DLG2: variants seen among roughly 807,000 people sequenced by gnomAD.
DLG2 encodes the protein discs large MAGUK scaffold protein 2.
DLG2 carries 45 observed loss-of-function variants against 132.5 expected under a neutral mutation model. That is an observed-to-expected ratio of 0.34 (90% CI 0.27 to 0.44). DLG2 has a LOEUF of 0.44. Among genes scored for constraint, DLG2 ranks in the 20% least tolerant of loss-of-function variants. The probability of loss-of-function intolerance (pLI) is 1.00; values close to 1 mark genes in which losing one functional copy is unlikely to be tolerated. For synonymous variants in DLG2, 424 were observed against 419.6 expected (o/e 1.01, Z -0.13); for missense variants, 1,045 against 1,196.9 (o/e 0.87, Z 1.87).
intron 10 of DLG2, among the ~76,000 whole-genome samples, chr11:84,095,705 A>G (rs2097156151): frequency 6.6e-6 from 1 of 152,200 alleles, no homozygotes; most frequent in African/African-American, 2.4e-5. Flanking sequence ...TGAGCTGCAG[A>G]ATCCCACTCT....
chr11:83,775,220 G>C (rs2094536726), intron 18 of DLG2, among the ~76,000 whole-genome samples: 1 of 151,848 alleles, frequency 6.6e-6, no homozygotes, highest in South Asian at 2.1e-4. Flanking sequence ...CCCTCTCCTG[G>C]CATCTTTTTC....
chr11:83,724,325 C>T, intron 18 of DLG2, among the ~76,000 whole-genome samples: 1 of 152,182 alleles, frequency 6.6e-6, no homozygotes, highest in African/African-American at 2.4e-5. Context: ...CCGAAGCACG[C>T]TCTCTGGTTT....
At chr11:84,517,008 G>A (rs561067879) in intron 7 of DLG2, among the ~76,000 whole-genome samples, 97 of 54,090 alleles carry the variant, frequency 1.8e-3, no homozygotes, top group African/African-American at 6.8e-3. Flanking sequence ...AAGGATAAAA[G>A]TAAAAAAATA....
chr11:85,483,823 A>T (rs2093355591), intron 3 of DLG2, among the ~76,000 whole-genome samples: 1 of 151,776 alleles, frequency 6.6e-6, no homozygotes, highest in Non-Finnish European at 1.5e-5. Flanking sequence ...GGGCACCTGT[A>T]ATCCCAGCTA....
chr11:84,746,229 G>A (rs1252317720), intron 6 of DLG2, among the ~76,000 whole-genome samples: 1 of 149,038 alleles, frequency 6.7e-6, no homozygotes, highest in Non-Finnish European at 1.5e-5. Context: ...GGAAAGAGAT[G>A]GAAAACAACA....
intron 3 of DLG2, among the ~76,000 whole-genome samples, chr11:85,417,784 G>A (rs1464523635): frequency 5.3e-5 from 8 of 152,020 alleles, no homozygotes; most frequent in South Asian, 2.1e-4. Flanking sequence ...TGGCTTCAGT[G>A]GTGATATCAC....
chr11:84,397,878 T>A (rs186874402), intron 7 of DLG2, among the ~76,000 whole-genome samples: 13 of 152,342 alleles, frequency 8.5e-5, no homozygotes, highest in Admixed American at 5.9e-4. Context: ...TAACTACTGG[T>A]CTAGTTTAGG....
chr11:83,786,448 G>A (rs2039961096), intron 18 of DLG2: 2 of 465,396 alleles, frequency 4.3e-6, no homozygotes, highest in South Asian at 6.0e-5. Context: ...GCTGATGCTG[G>A]TTGCTATTTA....
At chr11:85,514,339 G>T (rs1447686183) in intron 3 of DLG2, among the ~76,000 whole-genome samples, 1 of 151,936 alleles carries the variant, frequency 6.6e-6, no homozygotes, top group Non-Finnish European at 1.5e-5. Flanking sequence ...GATACACCTA[G>T]GTTTAAAGAG....
intron 10 of DLG2, among the ~76,000 whole-genome samples, chr11:84,093,859 C>T (rs900933688): frequency 2.6e-5 from 4 of 152,158 alleles, no homozygotes; most frequent in South Asian, 2.1e-4. Flanking sequence ...AAGTTATCCA[C>T]CTGCCTCAGC....
At chr11:84,894,235 T>C (rs1341261090) in intron 6 of DLG2, among the ~76,000 whole-genome samples, 1 of 152,180 alleles carries the variant, frequency 6.6e-6, no homozygotes, top group Non-Finnish European at 1.5e-5. Flanking sequence ...TAGTCTTTAA[T>C]CATTTCATGT....
intron 9 of DLG2, among the ~76,000 whole-genome samples, chr11:84,129,849 T>C (rs964380643): frequency 3.3e-5 from 5 of 151,998 alleles, no homozygotes; most frequent in Admixed American, 6.6e-5. Flanking sequence ...CTATGAATTA[T>C]ATCTCAATAA....
chr11:83,484,503 C>T (rs1253028967), intron 21 of DLG2, among the ~76,000 whole-genome samples: 1 of 94,024 alleles, frequency 1.1e-5, no homozygotes, highest in Non-Finnish European at 2.3e-5. Flanking sequence ...AAGGAGAAGA[C>T]CCAGAATTTT....
At chr11:85,013,374 G>C (rs986454388) in intron 6 of DLG2, among the ~76,000 whole-genome samples, 3 of 152,228 alleles carry the variant, frequency 2.0e-5, no homozygotes, top group African/African-American at 4.8e-5. Flanking sequence ...CTCTGAAGTA[G>C]CCATGGTGGA....
At chr11:84,521,015 C>T (rs557456698) in intron 7 of DLG2, among the ~76,000 whole-genome samples, 1 of 152,268 alleles carries the variant, frequency 6.6e-6, no homozygotes, top group East Asian at 1.9e-4. Flanking sequence ...GTACATTAGT[C>T]TTTGAGATGT....
At chr11:85,235,236 T>C (rs1033732741) in intron 4 of DLG2, among the ~76,000 whole-genome samples, 1 of 152,100 alleles carries the variant, frequency 6.6e-6, no homozygotes, top group Middle Eastern at 3.4e-3. Flanking sequence ...CAATTTTTAA[T>C]AGCAAACAGT....
chr11:85,040,914 G>GA (rs1255337342), intron 6 of DLG2, among the ~76,000 whole-genome samples: 1 of 151,766 alleles, frequency 6.6e-6, no homozygotes, highest in Non-Finnish European at 1.5e-5. Flanking sequence ...GAAACTAAGA[G>GA]AAAAACGATT....
intron 14 of DLG2, among the ~76,000 whole-genome samples, chr11:83,936,067 A>G (rs2081364050): frequency 2.6e-5 from 4 of 152,230 alleles, no homozygotes; most frequent in Admixed American, 2.0e-4. Context: ...ACAAGGATGC[A>G]TAACCTCAGA....
chr11:83,686,288 G>T (rs972294799), intron 18 of DLG2, among the ~76,000 whole-genome samples: 2 of 152,086 alleles, frequency 1.3e-5, no homozygotes, highest in Non-Finnish European at 2.9e-5. Flanking sequence ...AGATTTCTCT[G>T]ACATCCTGTA....
Sources: allele counts gnomAD v4.1 joint callset (sites outside exome capture counted in the v4.1 genomes callset), GRCh38; gene constraint gnomAD v4.1.1; transcripts MANE v1.5; gene names NCBI Gene and HGNC (gene_info 2026-07-23, HGNC 2026-07-21).